The following SLC9A9 variants were observed in gnomAD, a reference collection of about 807,000 sequenced individuals.
SLC9A9 encodes sodium/hydrogen exchanger 9.
Under a neutral mutation model 77.8 loss-of-function variants are expected in SLC9A9, and 62 were observed. The ratio of observed to expected loss-of-function variants is 0.80; its 90% CI spans 0.65 to 0.98. The LOEUF (loss-of-function observed/expected upper bound fraction) is 0.98. Ranked by LOEUF, SLC9A9 falls within the 50% of genes least tolerant of loss-of-function variation. SLC9A9 has a pLI of 0.00. For synonymous variants in SLC9A9, 320 were observed against 283.5 expected, an observed-to-expected ratio of 1.13 and a Z score of -1.29; for missense variants, 775 against 774.9, an observed-to-expected ratio of 1.00 and a Z score of 0.00.
intron 9 of SLC9A9, among the ~76,000 whole-genome samples, chr3:143,549,918 A>G: frequency 6.6e-6 from 1 of 152,292 alleles, no homozygotes; most frequent in African/African-American, 2.4e-5. Context: ...ATTCAAAATT[A>G]AAAGGATTCT....
At chr3:143,519,906 C>T (rs949561287) in intron 9 of SLC9A9, among the ~76,000 whole-genome samples, 4 of 151,814 alleles carry the variant, frequency 2.6e-5, no homozygotes, top group African/African-American at 4.8e-5. Flanking sequence ...CTTGAATAGG[C>T]GTTTGGGTGA....
chr3:143,349,462 C>T (rs78298569), intron 14 of SLC9A9, among the ~76,000 whole-genome samples: 4,405 of 152,238 alleles, frequency 0.029, 82 homozygotes, highest in South Asian at 0.074. Context: ...ACAAGAGCAG[C>T]CCTTTATCAA....
At chr3:143,365,361 C>A (rs2032868340) in intron 13 of SLC9A9, among the ~76,000 whole-genome samples, 2 of 152,112 alleles carry the variant, frequency 1.3e-5, no homozygotes, top group Non-Finnish European at 2.9e-5. Context: ...ATATCACAAA[C>A]CCCTGTGACA....
At chr3:143,291,476 G>A (rs2029967216) in intron 14 of SLC9A9, among the ~76,000 whole-genome samples, 1 of 152,178 alleles carries the variant, frequency 6.6e-6, no homozygotes, top group Non-Finnish European at 1.5e-5. Context: ...ACCCACTTGT[G>A]AGGCTGGCCT....
chr3:143,389,176 A>G (rs2033495783), intron 12 of SLC9A9, among the ~76,000 whole-genome samples: 1 of 152,144 alleles, frequency 6.6e-6, no homozygotes, highest in Non-Finnish European at 1.5e-5. Flanking sequence ...GGGGTGAAAT[A>G]ATTACATTTA....
intron 6 of SLC9A9, among the ~76,000 whole-genome samples, chr3:143,587,775 G>A (rs765831199): frequency 6.6e-6 from 1 of 152,344 alleles, no homozygotes; most frequent in East Asian, 1.9e-4. Flanking sequence ...CTCTTCAAAG[G>A]CTGCAGCAGC....
intron 6 of SLC9A9, among the ~76,000 whole-genome samples, chr3:143,638,502 A>G (rs2038564846): frequency 6.6e-6 from 1 of 152,254 alleles, no homozygotes; most frequent in Admixed American, 6.5e-5. Context: ...GAATCCATGA[A>G]GAACTTCTAA....
chr3:143,796,694 A>C (rs1211507707), intron 3 of SLC9A9, 132 bp downstream of exon 3: 5 of 634,754 alleles, frequency 7.9e-6, no homozygotes, highest in Non-Finnish European at 1.4e-5. Flanking sequence ...TCAGGTTTGA[A>C]TCTGCATCAC....
intron 2 of SLC9A9, among the ~76,000 whole-genome samples, chr3:143,801,985 A>G (rs374465580): frequency 1.4e-4 from 21 of 152,284 alleles, no homozygotes; most frequent in East Asian, 1.4e-3. Flanking sequence ...GGAGTCATTC[A>G]CTGCAAAGGC....
chr3:143,832,222 CT>C lies in SLC9A9; in HGVS notation c.176-2del, dbSNP rs2009456024. Reference sequence around the variant, plus strand: ...CGTAAAATTAGTCCCATTATAAGGCCTAAAAAAAAAAGAATAAATAATGGTA... The same window carrying C: ...CGTAAAATTAGTCCCATTATAAGGCCAAAAAAAAAAGAATAAATAATGGTA... On this transcript the variant is annotated splice_acceptor_variant, in intron 1 of 15. Transcript: ENST00000316549. LOFTEE classifies it high-confidence loss of function. The C allele has an allele frequency of 3.1e-6, 5 of 1,605,346 alleles. No homozygotes were observed. The highest frequency in any genetic ancestry group is 4.3e-6 in the Non-Finnish European group (5 of 1,176,256).
chr3:143,753,168 A>G (rs919714383), intron 4 of SLC9A9, among the ~76,000 whole-genome samples: 15 of 152,198 alleles, frequency 9.9e-5, no homozygotes, highest in African/African-American at 3.6e-4. Flanking sequence ...GCTTTTAGAA[A>G]GCTCACATCT....
At chr3:143,606,436 C>CTCTCTCTCTCTATATATATATA (rs1419410834) in intron 6 of SLC9A9, among the ~76,000 whole-genome samples, 14 of 54,204 alleles carry the variant, frequency 2.6e-4, no homozygotes, top group African/African-American at 8.4e-4. Context: ...CTCTCTCTCT[C>CTCTCTCTCTCTATATATATATA]TATATATATA....
intron 9 of SLC9A9, among the ~76,000 whole-genome samples, chr3:143,510,171 GAGA>G (rs971158615): frequency 2.6e-5 from 4 of 152,170 alleles, no homozygotes; most frequent in African/African-American, 7.2e-5. Flanking sequence ...AATTAGTAGT[GAGA>G]AGGACAATTG....
chr3:143,424,498 C>G (rs1459389845), intron 12 of SLC9A9, among the ~76,000 whole-genome samples: 2 of 151,890 alleles, frequency 1.3e-5, no homozygotes, highest in Non-Finnish European at 2.9e-5. Flanking sequence ...AGGATGGTCT[C>G]AATCTCCTGA....
intron 2 of SLC9A9, among the ~76,000 whole-genome samples, chr3:143,823,315 G>A (rs1434042004): frequency 6.6e-6 from 1 of 152,172 alleles, no homozygotes; most frequent in Non-Finnish European, 1.5e-5. Flanking sequence ...TGCAGTGGGG[G>A]AATGTCAGGT....
At chr3:143,745,453 T>C (rs535489281) in intron 4 of SLC9A9, among the ~76,000 whole-genome samples, 3 of 152,206 alleles carry the variant, frequency 2.0e-5, no homozygotes, top group Non-Finnish European at 2.9e-5. Context: ...TTTACTCCTA[T>C]GTCATAATTC....
intron 9 of SLC9A9, among the ~76,000 whole-genome samples, chr3:143,530,867 G>C (rs1327353831): frequency 6.6e-6 from 1 of 152,112 alleles, no homozygotes; most frequent in Non-Finnish European, 1.5e-5. Context: ...TTCAGGATTT[G>C]CCTCTGTCAA....
At chr3:143,363,400 G>A in intron 14 of SLC9A9, 84 bp downstream of exon 14, 1 of 1,187,622 alleles carries the variant, frequency 8.4e-7, no homozygotes. Flanking sequence ...TTGAAGAGCA[G>A]GAGTGCACAC....
intron 4 of SLC9A9, among the ~76,000 whole-genome samples, chr3:143,764,073 A>G (rs964389166): frequency 1.2e-4 from 18 of 152,114 alleles, no homozygotes; most frequent in African/African-American, 4.1e-4. Flanking sequence ...TATATTATAG[A>G]ATTTCACTTC....
Sources: gnomAD v4.1 joint callset for allele counts (sites outside exome capture counted in the v4.1 genomes callset) on GRCh38, gnomAD v4.1.1 for gene constraint, MANE v1.5 for transcripts, NCBI Gene and HGNC (gene_info 2026-07-23, HGNC 2026-07-21) for gene names.